The following MGST1 variants were observed in gnomAD, a reference collection of about 807,000 sequenced individuals.
MGST1 encodes the protein glutathione S-transferase 12.
MGST1 carries 5 observed loss-of-function variants against 8.9 expected under a neutral mutation model. That is an observed-to-expected ratio of 0.56 (90% CI 0.29 to 1.19). The LOEUF (loss-of-function observed/expected upper bound fraction) is 1.19, where lower values mean the gene tolerates loss of function less well. Ranked by LOEUF, MGST1 falls within the 50% of genes most tolerant of loss-of-function variation. The pLI, the probability that MGST1 is intolerant of heterozygous loss-of-function variation, is 0.08. For synonymous variants in MGST1, 54 were observed against 67.8 expected (o/e 0.80, Z 1.00); for missense variants, 182 against 187.4 (o/e 0.97, Z 0.17).
At chr12:16,370,545 A>C (rs1940273349) in intron 3 of MGST1, 1 of 152,174 alleles carries the variant, frequency 6.6e-6, no homozygotes, top group Admixed American at 6.6e-5. Flanking sequence ...ATGAAAATAA[A>C]GCTGTGCTAA....
At chr12:16,358,324 T>C (rs1011343923) in intron 3 of MGST1, among the ~76,000 whole-genome samples, 1 of 152,178 alleles carries the variant, frequency 6.6e-6, no homozygotes, top group Non-Finnish European at 1.5e-5. Context: ...AAATCTATTG[T>C]TGCTATCTTT....
intron 4 of MGST1, among the ~76,000 whole-genome samples, chr12:16,490,928 A>G (rs1308604724): frequency 2.0e-5 from 3 of 152,188 alleles, no homozygotes; most frequent in Non-Finnish European, 4.4e-5. Flanking sequence ...AATTACTCAA[A>G]TGGGTAGAAT....
intron 4 of MGST1, among the ~76,000 whole-genome samples, chr12:16,485,658 A>C (rs903467718): frequency 5.3e-5 from 8 of 152,168 alleles, no homozygotes; most frequent in Admixed American, 4.6e-4. Context: ...CTCTAGGCAA[A>C]CAATTTATGG....
chr12:16,556,614 C>CTATT (rs1326281619), intron 4 of MGST1, among the ~76,000 whole-genome samples: 1 of 152,168 alleles, frequency 6.6e-6, no homozygotes, highest in Non-Finnish European at 1.5e-5. Context: ...TATGAATTAC[C>CTATT]TATTTGCCTT....
intron 4 of MGST1, among the ~76,000 whole-genome samples, chr12:16,479,037 T>A (rs1380770852): frequency 6.6e-6 from 1 of 152,082 alleles, no homozygotes; most frequent in Non-Finnish European, 1.5e-5. Flanking sequence ...GGGTATTTCA[T>A]ATAAATGAAA....
intron 4 of MGST1, among the ~76,000 whole-genome samples, chr12:16,502,009 C>G (rs1474548792): frequency 6.6e-6 from 1 of 152,050 alleles, no homozygotes; most frequent in Non-Finnish European, 1.5e-5. Context: ...AATTAAATAA[C>G]TTATTTAATA....
At chr12:16,399,155 C>T in intron 1 of MGST1, 1 of 1,044,952 alleles carries the variant, frequency 9.6e-7, no homozygotes, top group African/African-American at 1.6e-5. Flanking sequence ...CCCCGAAACC[C>T]ATAAACACAA....
Position 16,401,557 on chromosome 12 carries a change from G to C in MGST1, n.778+17953G>C, listed in dbSNP as rs757551940. On this transcript the variant is annotated intron_variant and non_coding_transcript_variant, in intron 1 of 1. Transcript: ENST00000359720. This position sits in a 1 kb window ranked among gnomAD's most constrained non-coding sequence, Gnocchi z 4.3. Reference sequence around the variant, plus strand: ...TTCCTGAGGAGGATCAGCCATCAAAGTGCGAACAGGTTGGAGCAATAAGAC... The same window carrying C: ...TTCCTGAGGAGGATCAGCCATCAAACTGCGAACAGGTTGGAGCAATAAGAC... 6 of 1,148,284 alleles carry C rather than the reference G, an allele frequency of 5.2e-6. No homozygotes were observed. Among genetic ancestry groups the C allele is most frequent in the Admixed American group, 1.7e-5 (1 of 58,168 alleles). 71.1% of individuals were successfully genotyped at this position (1,148,284 alleles called of 1,614,324 possible). A position where few individuals can be genotyped will look rare whatever the true frequency, so the allele number is the denominator to read the frequency against.
intron 1 of MGST1, among the ~76,000 whole-genome samples, chr12:16,429,114 T>G (rs1940918328): frequency 6.6e-6 from 1 of 152,150 alleles, no homozygotes; most frequent in African/African-American, 2.4e-5. Flanking sequence ...TTCCAGCACC[T>G]TCTGAATTTA....
chr12:16,579,435 T>C (rs1344222920), intron 4 of MGST1, among the ~76,000 whole-genome samples: 2 of 152,230 alleles, frequency 1.3e-5, no homozygotes, highest in Non-Finnish European at 2.9e-5. Flanking sequence ...CTTCCAAGTT[T>C]ACATTTAATT....
chr12:16,566,076 A>T (rs1245643399), intron 4 of MGST1, among the ~76,000 whole-genome samples: 1 of 137,164 alleles, frequency 7.3e-6, no homozygotes, highest in Non-Finnish European at 1.6e-5. Flanking sequence ...AAAGAATGAA[A>T]TCCTGTCATT....
intron 4 of MGST1, among the ~76,000 whole-genome samples, chr12:16,480,313 T>C (rs1293263723): frequency 1.3e-5 from 2 of 151,954 alleles, no homozygotes; most frequent in African/African-American, 4.8e-5. Flanking sequence ...CAGCTAATTT[T>C]TGTATTTTTA....
rs1591701651 is a variant in MGST1 at position 16,361,216 on chromosome 12, T to C, written c.222-2579T>C. Among the ~76,000 whole-genome samples, 2 of 152,104 alleles carry C rather than the reference T, an allele frequency of 1.3e-5. No individual in the cohort carries two copies. The highest frequency in any genetic ancestry group is 4.8e-5 in the African/African-American group (2 of 41,416). On this transcript the variant is annotated intron_variant, in intron 3 of 3. Transcript: ENST00000396210. The surrounding 1 kb of genome is among the most constrained non-coding windows in gnomAD (Gnocchi z 4.2). ...AAGAGCTTTGGCTGAGATGAGGGCG[T>C]CAGGAAAAGCCTGCTGTGCAGCTCC...
At chr12:16,453,010 C>T (rs920056713) in intron 4 of MGST1, among the ~76,000 whole-genome samples, 2 of 151,900 alleles carry the variant, frequency 1.3e-5, no homozygotes, top group South Asian at 4.1e-4. Context: ...TGTTCCCAAT[C>T]TTAATTTAAC....
At chr12:16,374,354 T>C (rs189489561) in intron 3 of MGST1, among the ~76,000 whole-genome samples, 1 of 152,264 alleles carries the variant, frequency 6.6e-6, no homozygotes, top group African/African-American at 2.4e-5. Flanking sequence ...CTAGTTTCTT[T>C]GATGGATTTA....
rs145977478 is a variant in MGST1, at chr12:16,567,197, AAAACAAAC to A, written n.483-22307_483-22300del. 3.3e-3 allele frequency among the ~76,000 whole-genome samples: 502 copies of A among 151,446 alleles called. 4 individuals are homozygous for A. Among genetic ancestry groups the A allele is most frequent in the African/African-American group, 0.012 (477 of 41,180 alleles). On this transcript the variant is annotated intron_variant and non_coding_transcript_variant, in intron 4 of 4. Coordinates refer to the MGST1 transcript ENST00000538857. The stretch of plus-strand genomic sequence containing the variant: ...GGCAATAAGAGTGAAACTCCACCTC[AAAACAAAC>A]AAACAAACAAACAAACAAACAAAAA...
intron 1 of MGST1, among the ~76,000 whole-genome samples, chr12:16,402,664 C>A (rs1179401973): frequency 6.6e-6 from 1 of 152,102 alleles, no homozygotes; most frequent in African/African-American, 2.4e-5. Flanking sequence ...GCTTATGTCC[C>A]TTATTAATAC....
At chr12:16,490,044 T>C (rs1229013824) in intron 4 of MGST1, among the ~76,000 whole-genome samples, 1 of 152,130 alleles carries the variant, frequency 6.6e-6, no homozygotes, top group Non-Finnish European at 1.5e-5. Flanking sequence ...GGAAAATCTC[T>C]TGAGCTTAAG....
intron 4 of MGST1, among the ~76,000 whole-genome samples, chr12:16,534,407 G>A (rs1321533543): frequency 6.6e-6 from 1 of 152,110 alleles, no homozygotes; most frequent in Non-Finnish European, 1.5e-5. Flanking sequence ...CAAAACATCT[G>A]CAACCATCAC....
Sources: allele counts gnomAD v4.1 joint callset (sites outside exome capture counted in the v4.1 genomes callset), GRCh38; gene constraint gnomAD v4.1.1; non-coding constraint Gnocchi (gnomAD v3.1); transcripts MANE v1.5; gene names NCBI Gene and HGNC (gene_info 2026-07-23, HGNC 2026-07-21).